Variants in SNX25 observed in about 807,000 individuals in gnomAD.
SNX25 encodes sorting nexin 25.
A neutral mutation model predicts 113.7 loss-of-function variants in SNX25; 62 were observed. The observed-to-expected ratio is 0.55, with a 90% CI of 0.44 to 0.67. The LOEUF (loss-of-function observed/expected upper bound fraction) is 0.67. SNX25 is among the 30% of genes least tolerant of loss of function. SNX25 has a pLI of 0.00. For missense variants in SNX25, 1,014 were observed against 1,161.0 expected, an observed-to-expected ratio of 0.87 and a Z score of 1.84; for synonymous variants, 421 against 436.2, an observed-to-expected ratio of 0.97 and a Z score of 0.43.
chr4:185,328,882 G>C (rs1220385492), intron 9 of SNX25, among the ~76,000 whole-genome samples: 1 of 152,110 alleles, frequency 6.6e-6, no homozygotes, highest in Non-Finnish European at 1.5e-5. Flanking sequence ...TGAAGGCTTG[G>C]GGGCAGGAGG....
At chr4:185,288,385 A>C (rs547011137) in intron 6 of SNX25, among the ~76,000 whole-genome samples, 1 of 152,298 alleles carries the variant, frequency 6.6e-6, no homozygotes, top group Admixed American at 6.5e-5. Flanking sequence ...ACATGATTAC[A>C]TACTTTTTTT....
chr4:185,255,346 C>T (rs905987740), intron 2 of SNX25, among the ~76,000 whole-genome samples: 7 of 152,132 alleles, frequency 4.6e-5, no homozygotes, highest in African/African-American at 1.7e-4. Flanking sequence ...GTTGGCCAGG[C>T]TGGTCTGGAA....
chr4:185,289,117 A>T (rs1751785480), intron 6 of SNX25, among the ~76,000 whole-genome samples: 1 of 152,182 alleles, frequency 6.6e-6, no homozygotes, highest in Non-Finnish European at 1.5e-5. Context: ...AGAGGCACTG[A>T]TTCCTCAGCT....
At chr4:185,327,426 CTT>C (rs1402272432) in intron 9 of SNX25, among the ~76,000 whole-genome samples, 1 of 152,184 alleles carries the variant, frequency 6.6e-6, no homozygotes, top group African/African-American at 2.4e-5. Flanking sequence ...TTTTTCATGA[CTT>C]ACACAGACAA....
intron 12 of SNX25, among the ~76,000 whole-genome samples, chr4:185,344,384 T>C (rs1055220661): frequency 6.6e-6 from 1 of 152,202 alleles, no homozygotes; most frequent in East Asian, 1.9e-4. Flanking sequence ...TGGTGAAGCA[T>C]CCGGCGCCAC....
chr4:185,259,033 C>G lies in SNX25; in HGVS notation c.700C>G (p.His234Asp). 2 of 1,614,120 alleles carry G rather than the reference C, an allele frequency of 1.2e-6. No homozygotes were observed. The highest frequency in any genetic ancestry group is 1.7e-6 in the Non-Finnish European group (2 of 1,179,988). ...CNDVVRTLLT[H>D]FCDLKAANAR... is the part of the protein sequence containing the mutation. ...TGATGTTGTGAGGACTTTACTCACTCATTTCTGTGACCTGAAAGCTGCCAA... is the reference window on the plus strand; with the variant it reads ...TGATGTTGTGAGGACTTTACTCACTGATTTCTGTGACCTGAAAGCTGCCAA... The change falls in exon 3 of 19, where the codon CAT (histidine) becomes GAT (aspartate). Residue 234 changes from histidine (H) to aspartate (D), a missense_variant. His to Asp is a moderately conservative substitution (Grantham distance 81). Transcript: ENST00000652585.
downstream of SNX25, chr4:185,365,003 A>AGTGT (rs539311718): frequency 7.1e-6 from 1 of 140,126 alleles, no homozygotes; most frequent in South Asian, 2.2e-4. Flanking sequence ...TTAGAGAAGG[A>AGTGT]GTGTGTGTGT....
intron 5 of SNX25, among the ~76,000 whole-genome samples, chr4:185,268,612 T>C (rs1244771544): frequency 6.6e-6 from 1 of 152,198 alleles, no homozygotes; most frequent in Non-Finnish European, 1.5e-5. Flanking sequence ...AAGTAAAATA[T>C]TGGTTGAAAT....
At chr4:185,357,308 G>A (rs568453729) in intron 15 of SNX25, among the ~76,000 whole-genome samples, 1 of 152,310 alleles carries the variant, frequency 6.6e-6, no homozygotes, top group Non-Finnish European at 1.5e-5. Flanking sequence ...TCAAAAAGTG[G>A]GTTCAGCAAG....
intron 1 of SNX25, among the ~76,000 whole-genome samples, chr4:185,245,180 G>A (rs1469485138): frequency 2.7e-5 from 4 of 150,920 alleles, no homozygotes; most frequent in African/African-American, 2.4e-5. Flanking sequence ...TCTTTTTTTC[G>A]TTCCAAACCA....
chr4:185,223,021 T>C (rs1238573248), intron 1 of SNX25, among the ~76,000 whole-genome samples: 1 of 152,220 alleles, frequency 6.6e-6, no homozygotes, highest in Admixed American at 6.5e-5. Context: ...CTTTTTATTA[T>C]ACAATAAAGA....
the SNX25 span, chr4:185,376,851 T>G: frequency 8.1e-7 from 1 of 1,233,114 alleles, no homozygotes; most frequent in Admixed American, 1.8e-5. Context: ...GAAATTTTTG[T>G]CTGAGGATCT....
At chr4:185,357,595 T>C (rs758220828) in intron 15 of SNX25, 76 bp from the exon 16 acceptor site, 1 of 1,162,492 alleles carries the variant, frequency 8.6e-7, no homozygotes, top group Admixed American at 1.7e-5. Flanking sequence ...GTAAGATTTA[T>C]GCTTTGTACA....
At chr4:185,237,750 GTGT>G (rs916466298) in intron 1 of SNX25, among the ~76,000 whole-genome samples, 5 of 150,828 alleles carry the variant, frequency 3.3e-5, no homozygotes, top group South Asian at 2.1e-4. Context: ...TTTTTTTTTG[GTGT>G]TGTTGTTGGA....
intron 1 of SNX25, among the ~76,000 whole-genome samples, chr4:185,246,071 A>G (rs542120044): frequency 6.6e-6 from 1 of 152,288 alleles, no homozygotes; most frequent in East Asian, 1.9e-4. Flanking sequence ...TGATCACATG[A>G]GGTCAGGAGT....
chr4:185,372,181 A>C (rs1319327333), downstream of SNX25, among the ~76,000 whole-genome samples: 2 of 152,214 alleles, frequency 1.3e-5, no homozygotes, highest in Non-Finnish European at 2.9e-5. Flanking sequence ...TGCAGGAAGA[A>C]ATGAAGACGT....
intron 5 of SNX25, among the ~76,000 whole-genome samples, chr4:185,282,937 G>A (rs552027572): frequency 4.6e-5 from 7 of 152,268 alleles, no homozygotes; most frequent in African/African-American, 9.6e-5. Flanking sequence ...GTGTCCTCAT[G>A]GATAGCCAGC....
chr4:185,314,324 CAAAAAAA>C (rs35324892), intron 7 of SNX25, among the ~76,000 whole-genome samples: 1 of 75,376 alleles, frequency 1.3e-5, no homozygotes, highest in African/African-American at 5.6e-5. Flanking sequence ...CCCCTCTCTA[CAAAAAAA>C]AAAAAAAAAA....
intron 6 of SNX25, among the ~76,000 whole-genome samples, chr4:185,288,916 C>T (rs952082644): frequency 2.6e-5 from 4 of 152,150 alleles, no homozygotes; most frequent in Admixed American, 2.0e-4. Context: ...AAGTCTCCGC[C>T]AAGGAGAGGG....
Sources: allele counts gnomAD v4.1 joint callset (sites outside exome capture counted in the v4.1 genomes callset), GRCh38; gene constraint gnomAD v4.1.1; transcripts MANE v1.5; gene names NCBI Gene and HGNC (gene_info 2026-07-23, HGNC 2026-07-21).